FAM53B: variants seen among roughly 807,000 people sequenced by gnomAD.
FAM53B encodes the protein protein FAM53B.
In FAM53B, 12 loss-of-function variants were observed where a neutral mutation model predicts 32.7. The observed-to-expected ratio is 0.37, with a 90% CI of 0.24 to 0.59. The LOEUF is 0.59. Among genes scored for constraint, FAM53B ranks in the 20% least tolerant of loss-of-function variants. The pLI, the probability that FAM53B is intolerant of heterozygous loss-of-function variation, is 0.72. For synonymous variants in FAM53B, 234 were observed against 228.7 expected, an observed-to-expected ratio of 1.02 and a Z score of -0.21; for missense variants, 477 against 577.7, an observed-to-expected ratio of 0.83 and a Z score of 1.79.
At chr10:124,709,281 G>A (rs986086964) in intron 1 of FAM53B, among the ~76,000 whole-genome samples, 2 of 152,234 alleles carry the variant, frequency 1.3e-5, no homozygotes, top group Non-Finnish European at 2.9e-5. Context: ...GTCGCCATGG[G>A]AACACATTAG....
intron 1 of FAM53B, among the ~76,000 whole-genome samples, chr10:124,730,285 A>G (rs1200908975): frequency 1.3e-5 from 2 of 152,226 alleles, no homozygotes; most frequent in Non-Finnish European, 2.9e-5. Context: ...AGGACCCAGC[A>G]TGCAAACACA....
At chr10:124,699,831 C>T (rs550602733) in intron 2 of FAM53B, among the ~76,000 whole-genome samples, 3 of 152,366 alleles carry the variant, frequency 2.0e-5, no homozygotes, top group Admixed American at 2.0e-4. Context: ...GAAGGAGGCC[C>T]TCAGCCTGCC....
chr10:124,650,704 T>C (rs1207159976), intron 4 of FAM53B, among the ~76,000 whole-genome samples: 3 of 152,136 alleles, frequency 2.0e-5, no homozygotes, highest in Non-Finnish European at 4.4e-5. Flanking sequence ...GAGTGAGGCA[T>C]TCCTCCTCCA....
intron 4 of FAM53B, chr10:124,671,265 G>A (rs374148052): frequency 1.6e-5 from 7 of 441,174 alleles, no homozygotes; most frequent in African/African-American, 4.0e-5. Context: ...CCAGCTAGCC[G>A]GCGCCCCTGC....
Position 124,695,874 on chromosome 10 carries a change from A to T in FAM53B, c.133+284T>A, listed in dbSNP as rs80018809. Reference sequence around the variant, plus strand: ...TGGGGCTACGAGAGATTTTTATTGCATACTTTACACTATTGTGCATTTTCT... The same window carrying T: ...TGGGGCTACGAGAGATTTTTATTGCTTACTTTACACTATTGTGCATTTTCT... On this transcript the variant is annotated intron_variant, in intron 3 of 4. Coordinates refer to ENST00000337318, the MANE Select transcript of FAM53B (RefSeq NM_014661.4). Among the ~76,000 whole-genome samples, 774 of 152,358 alleles carry T rather than the reference A, an allele frequency of 5.1e-3. 4 individuals carry two copies. The highest frequency in any genetic ancestry group is 9.2e-3 in the Non-Finnish European group (629 of 68,030).
intron 4 of FAM53B, among the ~76,000 whole-genome samples, chr10:124,668,649 C>T (rs1949688498): frequency 6.6e-6 from 1 of 152,214 alleles, no homozygotes; most frequent in Non-Finnish European, 1.5e-5. Flanking sequence ...CTCTCCTTGT[C>T]TCATCTTCCT....
intron 4 of FAM53B, among the ~76,000 whole-genome samples, chr10:124,643,705 C>T (rs1409017100): frequency 6.6e-6 from 1 of 152,238 alleles, no homozygotes; most frequent in African/African-American, 2.4e-5. Context: ...TTAGAGCCGC[C>T]ATCCCGAACC....
chr10:124,697,943 G>A (rs773269603), intron 2 of FAM53B, among the ~76,000 whole-genome samples: 1 of 152,196 alleles, frequency 6.6e-6, no homozygotes, highest in Non-Finnish European at 1.5e-5. Context: ...CACAATCCCA[G>A]CTGAGAGGTG....
intron 1 of FAM53B, among the ~76,000 whole-genome samples, chr10:124,728,160 C>T (rs1017485762): frequency 4.6e-5 from 7 of 152,226 alleles, no homozygotes; most frequent in East Asian, 1.9e-4. Context: ...CTGGCTCACT[C>T]GGTGAGTTAG....
intron 2 of FAM53B, among the ~76,000 whole-genome samples, chr10:124,701,556 C>G (rs898647677): frequency 6.6e-6 from 1 of 152,238 alleles, no homozygotes; most frequent in African/African-American, 2.4e-5. Context: ...AGAACAGGCC[C>G]TTGGCCTGAG....
intron 4 of FAM53B, among the ~76,000 whole-genome samples, chr10:124,636,358 C>T (rs867599017): frequency 6.9e-4 from 105 of 152,316 alleles, no homozygotes; most frequent in African/African-American, 2.4e-3. Flanking sequence ...GGTTCCTGCA[C>T]TTTAATAATC....
chr10:124,714,326 G>A (rs529169829), intron 1 of FAM53B: 1 of 152,114 alleles, frequency 6.6e-6, no homozygotes, highest in East Asian at 1.9e-4. Context: ...CAGAGTTCAG[G>A]ACCCACGAAT....
chr10:124,696,508 G>A (rs1230031841), intron 2 of FAM53B, among the ~76,000 whole-genome samples: 1 of 152,184 alleles, frequency 6.6e-6, no homozygotes, highest in Non-Finnish European at 1.5e-5. Flanking sequence ...GTGATGTGGA[G>A]GCGGCCCGGG....
chr10:124,649,582 T>C (rs1485522096), intron 4 of FAM53B, among the ~76,000 whole-genome samples: 1 of 152,218 alleles, frequency 6.6e-6, no homozygotes, highest in African/African-American at 2.4e-5. Flanking sequence ...ACAATGCCTG[T>C]TCTAAACGAG....
intron 4 of FAM53B, among the ~76,000 whole-genome samples, chr10:124,655,880 G>C (rs1456761125): frequency 6.6e-6 from 1 of 152,192 alleles, no homozygotes; most frequent in African/African-American, 2.4e-5. Flanking sequence ...TACACTAGAT[G>C]GAAGCTGCCA....
intron 4 of FAM53B, among the ~76,000 whole-genome samples, chr10:124,643,313 T>C (rs1191300868): frequency 2.6e-5 from 4 of 152,256 alleles, no homozygotes; most frequent in African/African-American, 9.6e-5. Context: ...GAGGCTGGGC[T>C]GTGGGGCCAT....
intron 2 of FAM53B, among the ~76,000 whole-genome samples, chr10:124,698,916 C>G (rs1249828923): frequency 6.6e-6 from 1 of 152,252 alleles, no homozygotes; most frequent in East Asian, 1.9e-4. Flanking sequence ...ATGAGCCAAC[C>G]TGAGTACCCC....
At chr10:124,629,295 C>A (rs1174877364) in intron 4 of FAM53B, among the ~76,000 whole-genome samples, 2 of 152,228 alleles carry the variant, frequency 1.3e-5, no homozygotes, top group Non-Finnish European at 2.9e-5. Context: ...AAGTCCGTCT[C>A]CCAGAGGTGC....
At chr10:124,692,385 G>A (rs868401578) in intron 3 of FAM53B, among the ~76,000 whole-genome samples, 139 of 152,146 alleles carry the variant, frequency 9.1e-4, no homozygotes, top group African/African-American at 3.1e-3. Context: ...ATCACAGGGC[G>A]TGAAGTGCTT....
Sources: allele counts gnomAD v4.1 joint callset (sites outside exome capture counted in the v4.1 genomes callset), GRCh38; gene constraint gnomAD v4.1.1; transcripts MANE v1.5; gene names NCBI Gene and HGNC (gene_info 2026-07-23, HGNC 2026-07-21).